Variants in LIPG observed in about 807,000 individuals in gnomAD.
LIPG encodes lipase G, endothelial type.
LIPG carries 34 observed loss-of-function variants against 51.8 expected under a neutral mutation model. The observed-to-expected ratio is 0.66, with a 90% CI of 0.50 to 0.87. The LOEUF (loss-of-function observed/expected upper bound fraction) is 0.87, where lower values mean the gene tolerates loss of function less well. LIPG is among the 40% of genes least tolerant of loss of function. The probability of loss-of-function intolerance (pLI) is 0.00; values close to 1 mark genes in which losing one functional copy is unlikely to be tolerated. For synonymous variants in LIPG, 246 were observed against 246.1 expected, an observed-to-expected ratio of 1.00 and a Z score of 0.00; for missense variants, 580 against 652.7, an observed-to-expected ratio of 0.89 and a Z score of 1.21.
intron 1 of LIPG, among the ~76,000 whole-genome samples, chr18:49,564,834 T>A (rs1274140718): frequency 6.6e-6 from 1 of 152,232 alleles, no homozygotes; most frequent in Non-Finnish European, 1.5e-5. Context: ...ATGTATTCTC[T>A]GCAGAAATAT....
chr18:49,563,952 C>T (rs574485029), intron 1 of LIPG, among the ~76,000 whole-genome samples: 27 of 152,146 alleles, frequency 1.8e-4, no homozygotes, highest in Non-Finnish European at 3.1e-4. Flanking sequence ...GCATGAGTGG[C>T]TATCTGGGTA....
At chr18:49,562,978 T>C (rs1424962352) in intron 1 of LIPG, among the ~76,000 whole-genome samples, 1 of 152,204 alleles carries the variant, frequency 6.6e-6, no homozygotes, top group Non-Finnish European at 1.5e-5. Flanking sequence ...CCCCCGACTC[T>C]TCCTCTTCCC....
intron 9 of LIPG, chr18:49,589,833 A>G (rs2084921470): frequency 6.4e-6 from 1 of 156,278 alleles, no homozygotes; most frequent in Non-Finnish European, 1.4e-5. Context: ...GAACTCTATG[A>G]TTCACCCTCT....
chr18:49,579,410 G>T (rs970961239), intron 5 of LIPG, among the ~76,000 whole-genome samples: 6 of 151,502 alleles, frequency 4.0e-5, no homozygotes, highest in African/African-American at 1.5e-4. Context: ...GATTACAGGC[G>T]CAAACCACCA....
rs35773018 is a variant in LIPG, at chr18:49,596,635, CAAAAAAAAAAAAAA to C, written c.*6123_*6136del. Reference sequence around the variant, plus strand: ...GGGCAACAAGAGCAAATCTCTATCTCAAAAAAAAAAAAAAAAAAAAAAAGGCCACAGAAATGTCC... The same window carrying C: ...GGGCAACAAGAGCAAATCTCTATCTCAAAAAAAAAGGCCACAGAAATGTCC... On this transcript the variant is annotated 3_prime_UTR_variant, in exon 10 of 10. Coordinates refer to ENST00000261292, the MANE Select transcript of LIPG (RefSeq NM_006033.4). 2 of 55,938 alleles carry C rather than the reference CAAAAAAAAAAAAAA, an allele frequency of 3.6e-5. No individual in the cohort carries two copies. The highest frequency in any genetic ancestry group is 6.5e-4 in the East Asian group (1 of 1,536). 3.5% of individuals were successfully genotyped at this position (55,938 alleles called of 1,614,324 possible).
intron 7 of LIPG, among the ~76,000 whole-genome samples, chr18:49,582,805 T>A (rs1204665440): frequency 1.3e-5 from 2 of 152,274 alleles, no homozygotes; most frequent in Non-Finnish European, 2.9e-5. Context: ...TCAGGCAATC[T>A]GTAACTTCGT....
At position 49,564,031 on chromosome 18, in the gene LIPG, T is replaced by C. The variant is rs78130613; in HGVS notation, c.98-1286T>C. ...TTCTGCTGGTTGGGGCTTTTGTTCATTACTTTCATGACGGTTAACCTGACT... is the reference window on the plus strand; with the variant it reads ...TTCTGCTGGTTGGGGCTTTTGTTCACTACTTTCATGACGGTTAACCTGACT... On this transcript the variant is annotated intron_variant, in intron 1 of 9. Coordinates refer to ENST00000261292, the MANE Select transcript of LIPG (RefSeq NM_006033.4). Among the ~76,000 whole-genome samples, 693 of 152,322 alleles carry C rather than the reference T, an allele frequency of 4.5e-3. 7 individuals are homozygous for C. The highest frequency in any genetic ancestry group is 0.016 in the African/African-American group (660 of 41,564).
intron 9 of LIPG, among the ~76,000 whole-genome samples, chr18:49,588,245 A>G (rs1045690166): frequency 6.6e-6 from 1 of 151,622 alleles, no homozygotes; most frequent in African/African-American, 2.4e-5. Context: ...TAGGTTTTCT[A>G]GAATGCAGGT....
chr18:49,574,013 G>A (rs1340218113), intron 4 of LIPG, among the ~76,000 whole-genome samples: 8 of 152,142 alleles, frequency 5.3e-5, no homozygotes, highest in Non-Finnish European at 7.4e-5. Flanking sequence ...ATCAGAATGG[G>A]GGCAATAAAA....
chr18:49,577,798 A>AC (rs1200072741), intron 5 of LIPG, among the ~76,000 whole-genome samples: 7 of 85,822 alleles, frequency 8.2e-5, no homozygotes, highest in African/African-American at 3.3e-4. Flanking sequence ...CGGGGGGCTG[A>AC]CCCCCCCACC....
At chr18:49,581,301 A>C (rs899687521) in intron 5 of LIPG, 114 bp from the exon 6 acceptor site, 38 of 1,427,496 alleles carry the variant, frequency 2.7e-5, no homozygotes, top group Non-Finnish European at 3.6e-5. Flanking sequence ...ACATGAAAAT[A>C]CTAACAGCAA....
At chr18:49,587,599 C>T (rs186708915) in intron 9 of LIPG, among the ~76,000 whole-genome samples, 255 of 133,550 alleles carry the variant, frequency 1.9e-3, no homozygotes, top group Non-Finnish European at 3.2e-3. Flanking sequence ...AAAAAAGAAG[C>T]TGACCTTCTG....
intron 5 of LIPG, among the ~76,000 whole-genome samples, chr18:49,578,613 G>C (rs1326833987): frequency 6.6e-6 from 1 of 151,826 alleles, no homozygotes; most frequent in Admixed American, 6.6e-5. Flanking sequence ...TCACTTCCCA[G>C]ATGGGGTGGC....
intron 9 of LIPG, chr18:49,589,816 T>C (rs971507149): frequency 3.2e-5 from 5 of 153,892 alleles, no homozygotes; most frequent in African/African-American, 1.2e-4. Flanking sequence ...GGAATTCATA[T>C]ACCTGAGAAC....
At position 49,583,692 on chromosome 18, in the gene LIPG, A is replaced by G. The variant is rs2084850754; in HGVS notation, c.1294A>G (p.Ser432Gly). 1 of 1,614,168 alleles carries G rather than the reference A, an allele frequency of 6.2e-7. No homozygotes were observed. The highest frequency in any genetic ancestry group is 8.5e-7 in the Non-Finnish European group (1 of 1,180,012). Residue 432 changes from serine to glycine, a missense_variant, in exon 8 of 10, where the codon AGC becomes GGC. Transcript: ENST00000261292. Reference protein sequence around the residue: ...SWYNLWKEFRSYLSQPRNPGR... With the variant: ...SWYNLWKEFRGYLSQPRNPGR... ...GTACAACCTGTGGAAGGAGTTTCGC[A>G]GCTACCTGTCTCAACCCCGCAACCC...
chr18:49,586,888 G>T, intron 9 of LIPG, 38 bp downstream of exon 9: 1 of 1,432,864 alleles, frequency 7.0e-7, no homozygotes, highest in Non-Finnish European at 9.8e-7. Flanking sequence ...CCCAGGACAC[G>T]TTGACATGAT....
At chr18:49,570,213 AG>A (rs1045702820) in intron 4 of LIPG, among the ~76,000 whole-genome samples, 1 of 152,214 alleles carries the variant, frequency 6.6e-6, no homozygotes, top group Non-Finnish European at 1.5e-5. Flanking sequence ...ATTGGTCCCC[AG>A]GGGGTCAACA....
chr18:49,561,643 T>C (rs932206041), upstream of LIPG: 10 of 1,213,074 alleles, frequency 8.2e-6, no homozygotes, highest in Non-Finnish European at 1.0e-5. Context: ...AGGGAGCGGA[T>C]AGACCACTCC....
chr18:49,586,266 G>T (rs2084878829), intron 8 of LIPG, among the ~76,000 whole-genome samples: 1 of 152,200 alleles, frequency 6.6e-6, no homozygotes, highest in Non-Finnish European at 1.5e-5. Flanking sequence ...AGTTTACGGA[G>T]AAGTCAACCA....
Sources: allele counts gnomAD v4.1 joint callset (sites outside exome capture counted in the v4.1 genomes callset), GRCh38; gene constraint gnomAD v4.1.1; transcripts MANE v1.5; gene names NCBI Gene and HGNC (gene_info 2026-07-23, HGNC 2026-07-21).